The following PARD3B variants were observed in gnomAD, a reference collection of about 807,000 sequenced individuals.
The protein encoded by PARD3B is partitioning defective 3 homolog B.
A neutral mutation model predicts 130.2 loss-of-function variants in PARD3B; 103 were observed. The observed-to-expected ratio is 0.79, with a 90% confidence interval of 0.67 to 0.93. The LOEUF (loss-of-function observed/expected upper bound fraction) is 0.93. PARD3B is among the 40% of genes least tolerant of loss of function. The probability of loss-of-function intolerance (pLI) is 0.00; values close to 1 mark genes in which losing one functional copy is unlikely to be tolerated. For missense variants in PARD3B, 1,609 were observed against 1,499.2 expected (o/e 1.07, Z -1.21); for synonymous variants, 583 against 553.2 (o/e 1.05, Z -0.76).
At chr2:204,982,085 C>G (rs918313638) in intron 3 of PARD3B, among the ~76,000 whole-genome samples, 1 of 151,942 alleles carries the variant, frequency 6.6e-6, no homozygotes, top group African/African-American at 2.4e-5. Context: ...GTAAGTTGAG[C>G]CTGTCAGTGA....
chr2:204,658,749 G>A (rs1184587159), intron 1 of PARD3B, among the ~76,000 whole-genome samples: 1 of 151,948 alleles, frequency 6.6e-6, no homozygotes, highest in South Asian at 2.1e-4. Context: ...TATTGTGTCA[G>A]CTTCTAATAT....
At position 204,669,433 on chromosome 2, in the gene PARD3B, C is replaced by G. The variant is rs1559044612; in HGVS notation, c.121-16748C>G. ...ATTATCTAAGTACATTTTGGCATAA[C>G]TCACTATATATTTTATATAAAGTCA... On this transcript the variant is annotated intron_variant, in intron 1 of 22. Transcript: ENST00000406610. The surrounding 1 kb of genome is among the most constrained non-coding windows in gnomAD (Gnocchi z 4.3). 6.6e-6 allele frequency among the ~76,000 whole-genome samples: 1 copy of G among 152,084 alleles called. No individual in the cohort carries two copies. The highest frequency in any genetic ancestry group is 6.6e-5 in the Admixed American group (1 of 15,250).
At position 205,473,680 on chromosome 2, in the gene PARD3B, G is replaced by GTA. The variant is rs767524981; in HGVS notation, c.3045-26214_3045-26213dup. 2.7e-4 allele frequency among the ~76,000 whole-genome samples: 23 copies of GTA among 85,988 alleles called. No homozygotes were observed. In the East Asian group the frequency reaches 3.4e-3, roughly 13 times the overall value. 56.4% of individuals were successfully genotyped at this position (85,988 alleles called of 152,430 possible). A position where few individuals can be genotyped will look rare whatever the true frequency, so the allele number is the denominator to read the frequency against. Reference sequence around the variant, plus strand: ...TGTGTGTGTGTGTGTGTGTGTGTGTGTATGTATATATATATATATATATAT... The same window carrying GTA: ...TGTGTGTGTGTGTGTGTGTGTGTGTGTATATGTATATATATATATATATATAT... On this transcript the variant is annotated intron_variant, in intron 20 of 22. Coordinates refer to ENST00000406610, the MANE Select transcript of PARD3B (RefSeq NM_001302769.2). This position sits in a 1 kb window ranked among gnomAD's most constrained non-coding sequence, Gnocchi z 4.9.
At chr2:204,703,166 A>AAAGAGCC (rs2037975514) in intron 2 of PARD3B, among the ~76,000 whole-genome samples, 1 of 152,188 alleles carries the variant, frequency 6.6e-6, no homozygotes, top group Non-Finnish European at 1.5e-5. Context: ...GCACACTTCT[A>AAAGAGCC]AAGAGCCAGT....
At position 204,766,978 on chromosome 2, in the gene PARD3B, T is replaced by C. The variant is rs113196543; in HGVS notation, c.222+80696T>C. On this transcript the variant is annotated intron_variant, in intron 2 of 22. Transcript: ENST00000406610. The stretch of plus-strand genomic sequence containing the variant: ...TATTTTCTTTTTCTTTTTTTTTTTT[T>C]TTCACATTTTTTATTTTATTTTTTT... Among the ~76,000 whole-genome samples the C allele has an allele frequency of 4.7e-3, 600 of 128,696 alleles. 3 individuals carry two copies. The highest frequency in any genetic ancestry group is 0.015 in the African/African-American group (544 of 36,404). The allele number at this position is 128,696 out of a possible 152,430, so 84.4% of individuals were successfully genotyped here.
intron 22 of PARD3B, among the ~76,000 whole-genome samples, chr2:205,570,285 T>A (rs1173781323): frequency 1.3e-5 from 2 of 152,160 alleles, no homozygotes; most frequent in East Asian, 1.9e-4. Flanking sequence ...CCCAATAAAA[T>A]GAAAACTGAC....
chr2:205,168,545 A>G (rs984170626), intron 11 of PARD3B, among the ~76,000 whole-genome samples: 44 of 152,146 alleles, frequency 2.9e-4, no homozygotes, highest in African/African-American at 8.0e-4. Context: ...CACAATTTTG[A>G]GAGAGATTTG....
At chr2:205,127,702 G>C (rs1172412539) in intron 10 of PARD3B, among the ~76,000 whole-genome samples, 2 of 151,860 alleles carry the variant, frequency 1.3e-5, no homozygotes, top group Admixed American at 6.6e-5. Context: ...GTGTACTCTG[G>C]GGAGATCTGT....
chr2:205,521,257 T>TAAAC (rs2051038206), intron 21 of PARD3B, among the ~76,000 whole-genome samples: 2 of 152,062 alleles, frequency 1.3e-5, no homozygotes, highest in Non-Finnish European at 2.9e-5. Flanking sequence ...CAACTGAGAA[T>TAAAC]AAACATTTCA....
chr2:205,044,160 A>T (rs1468693085), intron 3 of PARD3B, among the ~76,000 whole-genome samples: 4 of 152,040 alleles, frequency 2.6e-5, no homozygotes, highest in Non-Finnish European at 5.9e-5. Flanking sequence ...GCTGCATAGT[A>T]TTCCATGGTG....
intron 2 of PARD3B, among the ~76,000 whole-genome samples, chr2:204,810,334 G>A (rs183677026): frequency 1.3e-5 from 2 of 152,142 alleles, no homozygotes; most frequent in African/African-American, 4.8e-5. Flanking sequence ...CTTTTCAAGG[G>A]GAATGTTTCC....
intron 2 of PARD3B, among the ~76,000 whole-genome samples, chr2:204,845,836 A>G (rs2044442466): frequency 6.6e-6 from 1 of 152,132 alleles, no homozygotes; most frequent in African/African-American, 2.4e-5. Context: ...TATAGATATA[A>G]GTGATCTGAA....
intron 1 of PARD3B, among the ~76,000 whole-genome samples, chr2:204,681,717 CCAAA>C (rs1419715932): frequency 6.6e-6 from 1 of 152,134 alleles, no homozygotes; most frequent in Non-Finnish European, 1.5e-5. Context: ...TCTGTCTGCC[CCAAA>C]CAGTCTGCAG....
chr2:205,220,119 T>C (rs911032392), intron 15 of PARD3B, among the ~76,000 whole-genome samples: 1 of 152,170 alleles, frequency 6.6e-6, no homozygotes, highest in Non-Finnish European at 1.5e-5. Flanking sequence ...CTTACTCCCA[T>C]CCAATTTATT....
intron 3 of PARD3B, among the ~76,000 whole-genome samples, chr2:205,014,235 G>T (rs1053688094): frequency 1.3e-5 from 2 of 152,176 alleles, no homozygotes; most frequent in African/African-American, 4.8e-5. Flanking sequence ...AAGTAAGTCA[G>T]TGAAAACCAG....
At chr2:204,647,132 T>C (rs1299518734) in intron 1 of PARD3B, among the ~76,000 whole-genome samples, 1 of 151,942 alleles carries the variant, frequency 6.6e-6, no homozygotes, top group African/African-American at 2.4e-5. Context: ...TATTAGTTAC[T>C]GCTTTTGCTA....
chr2:204,986,926 T>A (rs914061183), intron 3 of PARD3B, among the ~76,000 whole-genome samples: 1 of 152,226 alleles, frequency 6.6e-6, no homozygotes, highest in Non-Finnish European at 1.5e-5. Flanking sequence ...GCTGTCTTTC[T>A]TTTTGAGGTA....
chr2:205,458,103 T>C lies in PARD3B; in HGVS notation c.3044+17431T>C, dbSNP rs897200952. Among the ~76,000 whole-genome samples, 2 of 152,298 alleles carry C rather than the reference T, an allele frequency of 1.3e-5. No individual in the cohort carries two copies. Among genetic ancestry groups the C allele is most frequent in the East Asian group, 3.9e-4 (2 of 5,188 alleles). On this transcript the variant is annotated intron_variant, in intron 20 of 22. Transcript: ENST00000406610. This position sits in a 1 kb window ranked among gnomAD's most constrained non-coding sequence, Gnocchi z 4.8. ...TTGTCTTGGTTTTCAGCAGTTTTAC[T>C]GTGATGTGTCTGTGAGCGTGTGTTG...
rs2044005657 is a variant in PARD3B, at chr2:205,351,848, GAGGTACGTGAC to G, written c.2631-49162_2631-49152del. Among the ~76,000 whole-genome samples the G allele has an allele frequency of 6.6e-6, 1 of 151,608 alleles. No individual in the cohort carries two copies. Among genetic ancestry groups the G allele is most frequent in the Non-Finnish European group, 1.5e-5 (1 of 67,950 alleles). On this transcript the variant is annotated intron_variant, in intron 18 of 22. Coordinates refer to ENST00000406610, the MANE Select transcript of PARD3B (RefSeq NM_001302769.2). The surrounding 1 kb of genome is among the most constrained non-coding windows in gnomAD (Gnocchi z 4.2). ...CCAGAGACCAGAGACTTTGCTTAAA[GAGGTACGTGAC>G]AGCTTCTGAGGGATCTGTTTGTATA...
Sources: gnomAD v4.1 joint callset for allele counts (sites outside exome capture counted in the v4.1 genomes callset) on GRCh38, gnomAD v4.1.1 for gene constraint, Gnocchi (gnomAD v3.1) non-coding constraint, MANE v1.5 for transcripts, NCBI Gene and HGNC (gene_info 2026-07-23, HGNC 2026-07-21) for gene names.